EBF1: variants seen among roughly 807,000 people sequenced by gnomAD.
The protein encoded by EBF1 is transcription factor COE1.
In EBF1, 10 loss-of-function variants were observed where a neutral mutation model predicts 68.4. The observed-to-expected ratio is 0.15, with a 90% CI of 0.09 to 0.25. EBF1 has a LOEUF of 0.25. Among genes scored for constraint, EBF1 ranks in the 10% least tolerant of loss-of-function variants. EBF1 has a pLI of 1.00. For missense variants in EBF1, 509 were observed against 794.4 expected, an observed-to-expected ratio of 0.64 and a Z score of 4.32; for synonymous variants, 298 against 299.8, an observed-to-expected ratio of 0.99 and a Z score of 0.06.
chr5:158,883,802 G>A (rs745341381), intron 6 of EBF1, among the ~76,000 whole-genome samples: 2 of 152,082 alleles, frequency 1.3e-5, no homozygotes, highest in Non-Finnish European at 2.9e-5. Flanking sequence ...TTTTACTCTG[G>A]CACTGTGTGA....
chr5:159,028,300 G>A (rs1171093332), intron 6 of EBF1, among the ~76,000 whole-genome samples: 1 of 152,206 alleles, frequency 6.6e-6, no homozygotes, highest in Non-Finnish European at 1.5e-5. Flanking sequence ...GGAACTTGGT[G>A]ACAAGGAAGA....
In EBF1 at chr5:158,916,749, T is replaced by C. The variant is rs773261443; in HGVS notation, c.555-76639A>G. On this transcript the variant is annotated intron_variant, in intron 6 of 15. Transcript: ENST00000313708. ...ATGCTGGCCAAATTTAATCATGCTA[T>C]AGTTTCCCTCACTTTTCAATTACAT... Among the ~76,000 whole-genome samples, 9 of 152,208 alleles carry C rather than the reference T, an allele frequency of 5.9e-5. No homozygotes were observed. In the East Asian group the frequency reaches 1.5e-3, roughly 26 times the overall value.
intron 6 of EBF1, among the ~76,000 whole-genome samples, chr5:158,845,693 G>T (rs1791327428): frequency 1.1e-5 from 1 of 92,720 alleles, no homozygotes; most frequent in Admixed American, 1.4e-4. Context: ...TTCATTGAAT[G>T]ACCTACAAAA....
At chr5:159,022,383 G>A (rs1289241092) in intron 6 of EBF1, among the ~76,000 whole-genome samples, 1 of 152,184 alleles carries the variant, frequency 6.6e-6, no homozygotes, top group East Asian at 1.9e-4. Context: ...CTGACACTAG[G>A]CATATGGAGG....
At chr5:159,098,881 GAAA>G (rs199650902) in intron 1 of EBF1, among the ~76,000 whole-genome samples, 1 of 120,328 alleles carries the variant, frequency 8.3e-6, no homozygotes, top group South Asian at 2.6e-4. Flanking sequence ...AAGGAGGAAA[GAAA>G]AAAAGAAAGA....
chr5:159,030,093 C>G (rs1318096603), intron 6 of EBF1, among the ~76,000 whole-genome samples: 1 of 35,062 alleles, frequency 2.9e-5, no homozygotes, highest in African/African-American at 4.1e-4. Context: ...TGTAGAGACA[C>G]AGAAAAAATA....
At chr5:159,087,359 T>TATATATACACACATATATATATACAC (rs1780867985) in intron 4 of EBF1, among the ~76,000 whole-genome samples, 1 of 67,516 alleles carries the variant, frequency 1.5e-5, no homozygotes, top group African/African-American at 6.4e-5. Flanking sequence ...TATATACACA[T>TATATATACACACATATATATATACAC]ATATATATAC....
rs1000877065 is a variant in EBF1, at chr5:158,904,446, C to G, written c.555-64336G>C. On this transcript the variant is annotated intron_variant, in intron 6 of 15. Transcript: ENST00000313708. ...AAGCACAATTCACAAACTCTAAGCC[C>G]ATGACCTTTGTTTTATTTGGGATAC... 5.9e-5 allele frequency among the ~76,000 whole-genome samples: 9 copies of G among 152,204 alleles called. 1 individual carries two copies. The highest frequency in any genetic ancestry group is 2.2e-4 in the African/African-American group (9 of 41,456).
chr5:158,946,542 G>C (rs1055448132), intron 6 of EBF1, among the ~76,000 whole-genome samples: 1 of 152,198 alleles, frequency 6.6e-6, no homozygotes, highest in Non-Finnish European at 1.5e-5. Flanking sequence ...ACTGCTGCCT[G>C]TTCCTTCCTC....
chr5:158,968,569 G>C (rs1378800434), intron 6 of EBF1, among the ~76,000 whole-genome samples: 1 of 152,194 alleles, frequency 6.6e-6, no homozygotes, highest in Non-Finnish European at 1.5e-5. Flanking sequence ...CAGGAAAAAA[G>C]AGAAAGAATT....
chr5:159,052,592 G>A (rs557448453), intron 6 of EBF1, among the ~76,000 whole-genome samples: 69 of 152,180 alleles, frequency 4.5e-4, no homozygotes, highest in Non-Finnish European at 9.1e-4. Flanking sequence ...TTTCTCCCTC[G>A]CTCTCAGAGG....
At chr5:159,096,684 T>A in intron 2 of EBF1, 1 of 604,368 alleles carries the variant, frequency 1.7e-6, no homozygotes, top group South Asian at 2.0e-5. Flanking sequence ...AGGCAGGCGG[T>A]GCGTAATCTG....
intron 5 of EBF1, among the ~76,000 whole-genome samples, chr5:159,075,793 T>G (rs1435365009): frequency 2.0e-5 from 3 of 152,200 alleles, no homozygotes; most frequent in Non-Finnish European, 4.4e-5. Context: ...CCCAACCTTC[T>G]GCCCCCTTCC....
At chr5:158,708,352 G>A (rs766695542) in intron 14 of EBF1, among the ~76,000 whole-genome samples, 179 bp from the exon 15 acceptor site, 23 of 152,250 alleles carry the variant, frequency 1.5e-4, no homozygotes, top group South Asian at 4.1e-4. Context: ...AACTTAGCAC[G>A]TGCTACCTTT....
chr5:158,870,884 TAGAG>T (rs1259957414), intron 6 of EBF1, among the ~76,000 whole-genome samples: 4 of 152,210 alleles, frequency 2.6e-5, no homozygotes, highest in Non-Finnish European at 5.9e-5. Flanking sequence ...TTTAGTCTGA[TAGAG>T]AGAAGTCTTG....
chr5:158,921,705 T>C (rs1452612010), intron 6 of EBF1, among the ~76,000 whole-genome samples: 1 of 152,218 alleles, frequency 6.6e-6, no homozygotes, highest in Non-Finnish European at 1.5e-5. Context: ...AATACTTGTT[T>C]TGGCGGTTTG....
chr5:159,010,704 A>G (rs1764479097), intron 6 of EBF1, among the ~76,000 whole-genome samples: 1 of 152,218 alleles, frequency 6.6e-6, no homozygotes, highest in Non-Finnish European at 1.5e-5. Context: ...TTTATCTGAC[A>G]CCATCTCAAT....
At chr5:158,957,150 C>T (rs1380931529) in intron 6 of EBF1, among the ~76,000 whole-genome samples, 1 of 152,130 alleles carries the variant, frequency 6.6e-6, no homozygotes, top group Non-Finnish European at 1.5e-5. Flanking sequence ...TTCACAAGCG[C>T]CCTGTGAGAT....
chr5:159,099,335 C>T lies in EBF1; in HGVS notation c.134+10G>A. ...GCTCACCTCGGCCGCGGTCCCCGCG[C>T]AGTACCCACCTCTGCGCCGCCGTGT... On this transcript the variant is annotated intron_variant, in intron 1 of 15. Coordinates refer to ENST00000313708, the MANE Select transcript of EBF1 (RefSeq NM_024007.5). 1 of 1,558,774 alleles carries T rather than the reference C, an allele frequency of 6.4e-7. No homozygotes were observed. Among genetic ancestry groups the T allele is most frequent in the Non-Finnish European group, 8.7e-7 (1 of 1,156,002 alleles).
Sources: allele counts gnomAD v4.1 joint callset (sites outside exome capture counted in the v4.1 genomes callset), GRCh38; gene constraint gnomAD v4.1.1; transcripts MANE v1.5; gene names NCBI Gene and HGNC (gene_info 2026-07-23, HGNC 2026-07-21).